Variants in AUTS2 observed in about 807,000 individuals in gnomAD.
AUTS2 encodes the protein activator of transcription and developmental regulator AUTS2.
In AUTS2, 17 loss-of-function variants were observed where a neutral mutation model predicts 112.4. The observed-to-expected ratio is 0.15, with a 90% CI of 0.10 to 0.23. AUTS2 has a LOEUF of 0.23. Among genes scored for constraint, AUTS2 ranks in the 10% least tolerant of loss-of-function variants. AUTS2 has a pLI of 1.00. For synonymous variants in AUTS2, 751 were observed against 702.7 expected, an observed-to-expected ratio of 1.07 and a Z score of -1.09; for missense variants, 1,510 against 1,701.6, an observed-to-expected ratio of 0.89 and a Z score of 1.98.
intron 4 of AUTS2, among the ~76,000 whole-genome samples, chr7:70,385,658 C>T (rs924717609): frequency 1.3e-5 from 2 of 152,188 alleles, no homozygotes; most frequent in African/African-American, 4.8e-5. Context: ...ATCGCTTGAG[C>T]CCAGGAGTTG....
chr7:69,611,049 C>CT (rs1414822128), intron 1 of AUTS2, among the ~76,000 whole-genome samples: 3 of 152,156 alleles, frequency 2.0e-5, no homozygotes, highest in Non-Finnish European at 2.9e-5. Flanking sequence ...AAGCTGGCCT[C>CT]TATCAGAACT....
chr7:70,212,427 C>T (rs1483971556), intron 4 of AUTS2, among the ~76,000 whole-genome samples: 3 of 152,206 alleles, frequency 2.0e-5, no homozygotes, highest in Non-Finnish European at 4.4e-5. Flanking sequence ...ACTGGGACCA[C>T]GTTCCTGAAT....
chr7:70,620,883 G>A (rs952459640), intron 5 of AUTS2, among the ~76,000 whole-genome samples: 1 of 152,044 alleles, frequency 6.6e-6, no homozygotes, highest in Non-Finnish European at 1.5e-5. Flanking sequence ...AAACTGGGAC[G>A]TTTTGGAGGA....
At chr7:69,939,915 T>C (rs1294676918) in intron 2 of AUTS2, among the ~76,000 whole-genome samples, 1 of 152,222 alleles carries the variant, frequency 6.6e-6, no homozygotes, top group African/African-American at 2.4e-5. Flanking sequence ...TGACATTGCA[T>C]GTATAATGGT....
intron 2 of AUTS2, among the ~76,000 whole-genome samples, chr7:69,950,354 G>A (rs1796976000): frequency 6.6e-6 from 1 of 152,096 alleles, no homozygotes; most frequent in East Asian, 1.9e-4. Flanking sequence ...GTGGATGTTG[G>A]AGTTAGGTAA....
chr7:70,343,241 GTT>G (rs1157807741), intron 4 of AUTS2, among the ~76,000 whole-genome samples: 2 of 152,212 alleles, frequency 1.3e-5, no homozygotes, highest in African/African-American at 4.8e-5. Context: ...AAAGGGTAAA[GTT>G]AACAACCTGG....
At chr7:69,747,199 G>A (rs1364875004) in intron 1 of AUTS2, among the ~76,000 whole-genome samples, 2 of 152,236 alleles carry the variant, frequency 1.3e-5, no homozygotes, top group African/African-American at 2.4e-5. Flanking sequence ...GGCGATGCCA[G>A]CCAGTGCTGC....
chr7:70,349,218 G>A (rs1791641371), intron 4 of AUTS2, among the ~76,000 whole-genome samples: 1 of 152,188 alleles, frequency 6.6e-6, no homozygotes, highest in Non-Finnish European at 1.5e-5. Context: ...CTCTTCCTGG[G>A]TCTAATTCAA....
Position 69,872,834 on chromosome 7 carries a change from C to CTTTTTTT in AUTS2, c.310-26432_310-26426dup, listed in dbSNP as rs1164356683. ...GGTGGCACTTGATGTAGCCTATATT[C>CTTTTTTT]TTTTTTTTTTTTTTTTTTTTTTTTT... On this transcript the variant is annotated intron_variant, in intron 1 of 18. Transcript: ENST00000342771. 7.4e-4 allele frequency among the ~76,000 whole-genome samples: 52 copies of CTTTTTTT among 70,422 alleles called. 12 individuals carry two copies. Among genetic ancestry groups the CTTTTTTT allele is most frequent in the African/African-American group, 2.9e-3 (47 of 16,056 alleles). The allele number at this position is 70,422 out of a possible 152,430, so 46.2% of individuals were successfully genotyped here. A position where few individuals can be genotyped will look rare whatever the true frequency, so the allele number is the denominator to read the frequency against.
intron 5 of AUTS2, among the ~76,000 whole-genome samples, chr7:70,488,208 G>A (rs535539341): frequency 1.3e-4 from 20 of 152,302 alleles, no homozygotes; most frequent in African/African-American, 2.6e-4. Context: ...ATAAGCCCTC[G>A]TGCCCGGCGC....
chr7:70,170,971 T>C (rs1308029074), intron 4 of AUTS2, among the ~76,000 whole-genome samples: 1 of 152,144 alleles, frequency 6.6e-6, no homozygotes, highest in Non-Finnish European at 1.5e-5. Context: ...TCTAAATGAC[T>C]GGGGGAAAAG....
intron 5 of AUTS2, among the ~76,000 whole-genome samples, chr7:70,655,284 T>C (rs571429962): frequency 1.2e-3 from 181 of 152,182 alleles, no homozygotes; most frequent in Middle Eastern, 6.8e-3. Flanking sequence ...ACAGGAAGAG[T>C]GTTTCCCTGT....
At chr7:70,083,932 G>A (rs1021399114) in intron 2 of AUTS2, among the ~76,000 whole-genome samples, 3 of 152,034 alleles carry the variant, frequency 2.0e-5, no homozygotes, top group Non-Finnish European at 4.4e-5. Flanking sequence ...GGGTGATAGA[G>A]CGAGATTCCA....
At chr7:70,422,315 T>G (rs1047531670) in intron 4 of AUTS2, among the ~76,000 whole-genome samples, 19 of 152,234 alleles carry the variant, frequency 1.2e-4, no homozygotes, top group Admixed American at 1.0e-3. Context: ...ATTGTCCCTC[T>G]TCCTGCTCAA....
chr7:70,724,443 C>CTTTTTTTTTTTTTTTTTTTTTTT (rs71077675), intron 6 of AUTS2, among the ~76,000 whole-genome samples: 1 of 101,386 alleles, frequency 9.9e-6, no homozygotes, highest in Non-Finnish European at 1.9e-5. Context: ...TTCATCCTGA[C>CTTTTTTTTTTTTTTTTTTTTTTT]TTTTTTTTTT....
At chr7:70,405,628 T>C (rs1025836039) in intron 4 of AUTS2, among the ~76,000 whole-genome samples, 34 of 152,220 alleles carry the variant, frequency 2.2e-4, no homozygotes, top group African/African-American at 6.0e-4. Context: ...GACAAAAGTG[T>C]GAAATGGAAT....
intron 6 of AUTS2, among the ~76,000 whole-genome samples, chr7:70,722,826 CTG>C (rs931103281): frequency 6.6e-6 from 1 of 152,154 alleles, no homozygotes; most frequent in African/African-American, 2.4e-5. Context: ...CAGATTCAAA[CTG>C]TTGAGTATTT....
At chr7:70,312,800 G>T (rs1242159761) in intron 4 of AUTS2, among the ~76,000 whole-genome samples, 2 of 152,176 alleles carry the variant, frequency 1.3e-5, no homozygotes, top group Non-Finnish European at 2.9e-5. Flanking sequence ...AGTCACACGG[G>T]GCTGAAGGCA....
At chr7:70,457,307 C>G (rs1196268232) in intron 5 of AUTS2, among the ~76,000 whole-genome samples, 2 of 152,194 alleles carry the variant, frequency 1.3e-5, no homozygotes, top group Non-Finnish European at 2.9e-5. Flanking sequence ...TGATGAAGTC[C>G]TGCATGCCAC....
Sources: gnomAD v4.1 joint callset for allele counts (sites outside exome capture counted in the v4.1 genomes callset) on GRCh38, gnomAD v4.1.1 for gene constraint, MANE v1.5 for transcripts, NCBI Gene and HGNC (gene_info 2026-07-23, HGNC 2026-07-21) for gene names.